NBEAL1: variants seen among roughly 807,000 people sequenced by gnomAD.
The protein encoded by NBEAL1 is neurobeachin like 1, also known as neurobeachin-like protein 1.
A neutral mutation model predicts 351.3 loss-of-function variants in NBEAL1; 273 were observed. The ratio of observed to expected loss-of-function variants is 0.78; its 90% CI spans 0.70 to 0.86. The LOEUF (loss-of-function observed/expected upper bound fraction) is 0.86. Ranked by LOEUF, NBEAL1 falls within the 40% of genes least tolerant of loss-of-function variation. The pLI is 0.00. For missense variants in NBEAL1, 2,961 were observed against 3,201.3 expected, an observed-to-expected ratio of 0.92 and a Z score of 1.81; for synonymous variants, 1,050 against 1,086.4, an observed-to-expected ratio of 0.97 and a Z score of 0.66.
intron 12 of NBEAL1, among the ~76,000 whole-genome samples, chr2:203,103,273 G>A (rs993443442): frequency 2.0e-5 from 3 of 150,736 alleles, no homozygotes; most frequent in African/African-American, 7.3e-5. Flanking sequence ...TTGATCTTTT[G>A]TATTTCTTTT....
chr2:203,131,883 A>G, intron 25 of NBEAL1, 90 bp from the exon 26 acceptor site: 1 of 878,638 alleles, frequency 1.1e-6, no homozygotes, highest in Non-Finnish European at 1.7e-6. Context: ...TAACATTAAT[A>G]TTTAATGTTA....
rs2062465447 is a variant in NBEAL1, at chr2:203,107,616, G to C, written c.1377G>C (p.Glu459Asp). 1 of 1,551,576 alleles carries C rather than the reference G, an allele frequency of 6.4e-7. No individual in the cohort carries two copies. The highest frequency in any genetic ancestry group is 8.7e-7 in the Non-Finnish European group (1 of 1,146,742). Reference sequence around the variant, plus strand: ...TTTATGTTGCTTTTCAGGCTGTAGAGGGTGACCACACTTCAGTTGGGATTT... The same window carrying C: ...TTTATGTTGCTTTTCAGGCTGTAGACGGTGACCACACTTCAGTTGGGATTT... ...LLKELMNMAV[E>D]GDHTSVGILG... The change falls in exon 14 of 56, where the codon GAG becomes GAC. Residue 459 changes from glutamate (E) to aspartate (D), a missense_variant. Coordinates refer to ENST00000683969, the MANE Select transcript of NBEAL1 (RefSeq NM_001378026.1).
At chr2:203,128,262 CTTTTTTTTTT>C (rs11355179) in intron 24 of NBEAL1, among the ~76,000 whole-genome samples, 15 of 94,936 alleles carry the variant, frequency 1.6e-4, no homozygotes, top group African/African-American at 6.5e-4. Context: ...AATTTTTTGC[CTTTTTTTTTT>C]TTTTTTTTTT....
At chr2:203,124,265 C>T (rs926730064) in intron 19 of NBEAL1, among the ~76,000 whole-genome samples, 3 of 152,070 alleles carry the variant, frequency 2.0e-5, no homozygotes, top group Non-Finnish European at 2.9e-5. Context: ...CCTGGAAGGT[C>T]GAGACTGCAG....
intron 11 of NBEAL1, 126 bp from the exon 12 acceptor site, chr2:203,099,503 A>G: frequency 1.7e-6 from 1 of 575,978 alleles, no homozygotes; most frequent in Non-Finnish European, 3.0e-6. Context: ...AATCCATTTC[A>G]TCAGAAGAGG....
intron 47 of NBEAL1, among the ~76,000 whole-genome samples, chr2:203,194,278 C>T (rs1417737921): frequency 6.6e-6 from 1 of 151,930 alleles, no homozygotes; most frequent in Non-Finnish European, 1.5e-5. Context: ...CCTAATAAGT[C>T]CATTGTTAAT....
In NBEAL1 at chr2:203,092,581, A is replaced by G. The variant is rs897907513; in HGVS notation, c.1099-4966A>G. Among the ~76,000 whole-genome samples the G allele has an allele frequency of 2.6e-5, 4 of 152,074 alleles. No homozygotes were observed. In the South Asian group the frequency reaches 6.2e-4, roughly 24 times the overall value. Reference sequence around the variant, plus strand: ...CTCTGTCTCAAAAACAGAAAAAAGAATATAGGATATTTCCATGTATCATGA... The same window carrying G: ...CTCTGTCTCAAAAACAGAAAAAAGAGTATAGGATATTTCCATGTATCATGA... On this transcript the variant is annotated intron_variant, in intron 10 of 55. Transcript: ENST00000683969.
chr2:203,209,274 A>C lies in NBEAL1; in HGVS notation c.7737A>C (p.Glu2579Asp), dbSNP rs924989959. 1 of 1,614,036 alleles carries C rather than the reference A, an allele frequency of 6.2e-7. No homozygotes were observed. Among genetic ancestry groups the C allele is most frequent in the South Asian group, 1.1e-5 (1 of 91,078 alleles). Reference protein sequence around the residue: ...LTIPNLAISWEGHIVVYSSTE... With the variant: ...LTIPNLAISWDGHIVVYSSTE... ...TTCCTAATTTGGCTATATCTTGGGA[A>C]GGACATATTGTTGTCTACTCCAGCA... Residue 2579 changes from glutamate (E) to aspartate (D), a missense_variant, in exon 53 of 56, where the codon GAA (glutamate) becomes GAC (aspartate). By Grantham distance (45) the Glu-to-Asp change is conservative. Transcript: ENST00000683969.
rs954183486 is a variant in NBEAL1, at chr2:203,222,395, A to G, written c.*5041A>G. Among the ~76,000 whole-genome samples, 7 of 152,184 alleles carry G rather than the reference A, an allele frequency of 4.6e-5. No individual in the cohort carries two copies. Among genetic ancestry groups the G allele is most frequent in the African/African-American group, 1.4e-4 (6 of 41,452 alleles). On this transcript the variant is annotated 3_prime_UTR_variant, in exon 56 of 56. Coordinates refer to ENST00000683969, the MANE Select transcript of NBEAL1 (RefSeq NM_001378026.1). ...TGTTATATCCTAAAAATTTTTCTGC[A>G]TAGAAATTTGTCCATTTATCTTTAT...
chr2:203,091,155 C>A (rs889011338), intron 10 of NBEAL1, among the ~76,000 whole-genome samples: 1 of 152,150 alleles, frequency 6.6e-6, no homozygotes, highest in Non-Finnish European at 1.5e-5. Flanking sequence ...CTCACCTCAG[C>A]CCCTGGAAAC....
intron 2 of NBEAL1, among the ~76,000 whole-genome samples, chr2:203,027,539 A>T (rs904007934): frequency 4.6e-5 from 7 of 152,160 alleles, no homozygotes; most frequent in Non-Finnish European, 8.8e-5. Context: ...CTGCTACATA[A>T]TTTTTACTGA....
At position 203,125,419 on chromosome 2, in the gene NBEAL1, G is replaced by A. The variant is rs1167820719; in HGVS notation, c.2750G>A (p.Ser917Asn). ...TTATTGGAACAAATCAGCCACTTTA[G>A]TGAAGGACAGATTCCTGAAGAAAAG... is the stretch of plus-strand genomic sequence containing the variant. ...FPLLEQISHF[S>N]EGQIPEEKNE... Residue 917 changes from serine (S) to asparagine (N), a missense_variant, in exon 20 of 56, where the codon AGT becomes AAT. Transcript: ENST00000683969. 1 of 1,548,560 alleles carries A rather than the reference G, an allele frequency of 6.5e-7. No homozygotes were observed. Among genetic ancestry groups the A allele is most frequent in the African/African-American group, 1.4e-5 (1 of 73,264 alleles).
intron 7 of NBEAL1, 67 bp downstream of exon 7, chr2:203,068,542 T>G: frequency 1.2e-6 from 1 of 820,626 alleles, no homozygotes; most frequent in African/African-American, 1.7e-5. Context: ...TTATTCTTAC[T>G]CTGATTCTGA....
chr2:203,209,347 G>GCT (rs1299072813), intron 53 of NBEAL1, 25 bp downstream of exon 53: 1 of 1,572,714 alleles, frequency 6.4e-7, no homozygotes, highest in South Asian at 1.1e-5. Context: ...ATGCAATAGA[G>GCT]GTAGACTCCC....
In NBEAL1 at chr2:203,129,430, G is replaced by T. The variant is rs556842543; in HGVS notation, c.3406-888G>T. Among the ~76,000 whole-genome samples the T allele has an allele frequency of 2.6e-3, 398 of 152,272 alleles. 2 individuals are homozygous for T. The highest frequency in any genetic ancestry group is 9.0e-3 in the African/African-American group (375 of 41,558). ...CATGACTTCATTATCGGTATTAGAT[G>T]AGTTAATGCAGGCTGTTTCCCTATA... On this transcript the variant is annotated intron_variant, in intron 24 of 55. Coordinates refer to ENST00000683969, the MANE Select transcript of NBEAL1 (RefSeq NM_001378026.1).
chr2:203,016,935 G>A (rs2060691026), intron 2 of NBEAL1, among the ~76,000 whole-genome samples: 1 of 152,156 alleles, frequency 6.6e-6, no homozygotes, highest in Non-Finnish European at 1.5e-5. Flanking sequence ...AATACTGTGA[G>A]GTGAATATTG....
At chr2:203,114,802 G>A (rs2062652966) in intron 17 of NBEAL1, among the ~76,000 whole-genome samples, 1 of 152,010 alleles carries the variant, frequency 6.6e-6, no homozygotes, top group Non-Finnish European at 1.5e-5. Context: ...GCCCAGGCTG[G>A]AGTGCAGTGG....
At position 203,161,834 on chromosome 2, in the gene NBEAL1, A is replaced by T. The variant is rs927173180; in HGVS notation, c.5714+4009A>T. On this transcript the variant is annotated intron_variant, in intron 36 of 55. Coordinates refer to ENST00000683969, the MANE Select transcript of NBEAL1 (RefSeq NM_001378026.1). ...GGTGACAGAGCCAGACCCTATCTCT[A>T]AAATAAATAAATAAATAAGCAAGAC... Among the ~76,000 whole-genome samples, 21 of 151,736 alleles carry T rather than the reference A, an allele frequency of 1.4e-4. 1 individual carries two copies. Among genetic ancestry groups the T allele is most frequent in the African/African-American group, 5.1e-4 (21 of 41,402 alleles).
intron 6 of NBEAL1, among the ~76,000 whole-genome samples, chr2:203,064,545 A>C (rs1425803593): frequency 6.6e-6 from 1 of 152,218 alleles, no homozygotes; most frequent in African/African-American, 2.4e-5. Context: ...TTCATTGCTT[A>C]TGTGTTATTC....
Sources: gnomAD v4.1 joint callset for allele counts (sites outside exome capture counted in the v4.1 genomes callset) on GRCh38, gnomAD v4.1.1 for gene constraint, MANE v1.5 for transcripts, NCBI Gene and HGNC (gene_info 2026-07-23, HGNC 2026-07-21) for gene names.